POLE: variants seen among roughly 807,000 people sequenced by gnomAD.
POLE encodes DNA polymerase epsilon catalytic subunit A.
A neutral mutation model predicts 279.2 loss-of-function variants in POLE; 188 were observed. The ratio of observed to expected loss-of-function variants is 0.67; its 90% CI spans 0.60 to 0.76. POLE has a LOEUF of 0.76. Ranked by LOEUF, POLE falls within the 30% of genes least tolerant of loss-of-function variation. The probability of loss-of-function intolerance (pLI) is 0.00; values close to 1 mark genes in which losing one functional copy is unlikely to be tolerated. For synonymous variants in POLE, 1,214 were observed against 1,172.5 expected, an observed-to-expected ratio of 1.04 and a Z score of -0.72; for missense variants, 2,703 against 3,016.7, an observed-to-expected ratio of 0.90 and a Z score of 2.44.
Position 132,680,621 on chromosome 12 carries a change from CG to C in POLE, c.270del (p.Asp90GlufsTer59), listed in dbSNP as rs878854854. ...SAVDYYFIQD[D>X]GSRFKVALPY... ...CAGGGGCTTACCTTAAATCTGCTTC[CG>C]TCATCTTGAATAAAGTAGTAATCCA... On this transcript the variant is annotated frameshift_variant, in exon 3 of 49. Coordinates refer to ENST00000320574, the MANE Select transcript of POLE (RefSeq NM_006231.4). LOFTEE classifies it high-confidence loss of function. The C allele has an allele frequency of 2.5e-6, 4 of 1,613,492 alleles. No homozygotes were observed. Among genetic ancestry groups the C allele is most frequent in the African/African-American group, 1.3e-5 (1 of 74,912 alleles).
In POLE at chr12:132,677,423, T is replaced by C. The variant is rs2043079242; in HGVS notation, c.741A>G (p.Arg247=). The C allele has an allele frequency of 1.2e-6, 2 of 1,614,076 alleles. No homozygotes were observed. Among genetic ancestry groups the C allele is most frequent in the East Asian group, 2.2e-5 (1 of 44,890 alleles). ...CTACCGGAAAAGCATTTCCTCGGTA[T>C]CTGACATTGTACCAATGAGCCTGCA... ...KIHVAHWYNV[R]YRGNAFPVEI... The change falls in exon 8 of 49, where the codon AGA becomes AGG. Residue 247 remains arginine (R), a synonymous_variant. Coordinates refer to ENST00000320574, the MANE Select transcript of POLE (RefSeq NM_006231.4).
Position 132,650,109 on chromosome 12 carries a change from T to A in POLE, c.3583-220A>T, listed in dbSNP as rs536196605. 9.9e-5 allele frequency among the ~76,000 whole-genome samples: 15 copies of A among 152,274 alleles called. No homozygotes were observed. In the East Asian group the frequency reaches 2.5e-3, roughly 26 times the overall value. On this transcript the variant is annotated intron_variant, in intron 29 of 48. Coordinates refer to ENST00000320574, the MANE Select transcript of POLE (RefSeq NM_006231.4). ...TGTAGTCCCAAGCTACTTGGTAGGC[T>A]GAGGCAGGAGGATCACTTGAACCCA...
intron 32 of POLE, 51 bp downstream of exon 32, chr12:132,648,878 C>A (rs1298492078): frequency 6.4e-7 from 1 of 1,565,418 alleles, no homozygotes. Flanking sequence ...CATGGGAAAG[C>A]CACCTCAGGC....
chr12:132,677,840 A>C, intron 6 of POLE, 121 bp from the exon 7 acceptor site: 1 of 964,858 alleles, frequency 1.0e-6, no homozygotes, highest in Non-Finnish European at 1.6e-6. Context: ...ACAAAAGGTA[A>C]ATTGATGTGG....
chr12:132,628,550 G>C (rs1251190938), intron 45 of POLE, among the ~76,000 whole-genome samples: 2 of 151,874 alleles, frequency 1.3e-5, no homozygotes, highest in African/African-American at 4.8e-5. Context: ...GGCTGATGTA[G>C]GAAAATCACT....
At chr12:132,676,433 CT>C in intron 9 of POLE, 112 bp downstream of exon 9, 1 of 784,982 alleles carries the variant, frequency 1.3e-6, no homozygotes, top group East Asian at 2.6e-5. Flanking sequence ...CATTCCTGGA[CT>C]AACTCATTAT....
intron 1 of POLE, among the ~76,000 whole-genome samples, chr12:132,686,743 TAAAAC>T: frequency 6.6e-6 from 1 of 151,802 alleles, no homozygotes; most frequent in Non-Finnish European, 1.5e-5. Flanking sequence ...CCCAAAAAAA[TAAAAC>T]AGAGGAGACG....
Position 132,642,568 on chromosome 12 carries a change from C to G in POLE, c.4890G>C (p.Arg1630=). The G allele has an allele frequency of 1.2e-6, 2 of 1,613,554 alleles. No individual in the cohort carries two copies. Among genetic ancestry groups the G allele is most frequent in the Non-Finnish European group, 1.7e-6 (2 of 1,180,036 alleles). ...GVLDWQRHGA[R]RMIRHYLNLD... ...GGTTGAGGTAGTGACGGATCATGCG[C>G]CGGGCTCCATGGCGCTGCCAGTCCA... The change falls in exon 37 of 49, where the codon CGG becomes CGC. Residue 1630 remains arginine, a synonymous_variant. Coordinates refer to ENST00000320574, the MANE Select transcript of POLE (RefSeq NM_006231.4).
chr12:132,640,046 G>A (rs574721885), intron 39 of POLE, among the ~76,000 whole-genome samples: 51 of 152,212 alleles, frequency 3.4e-4, no homozygotes, highest in African/African-American at 1.2e-3. Flanking sequence ...GAACTTAGAG[G>A]CCTCTCTCCC....
chr12:132,680,448 G>A, intron 3 of POLE, 159 bp downstream of exon 3: 1 of 674,854 alleles, frequency 1.5e-6, no homozygotes, highest in African/African-American at 1.8e-5. Context: ...CCTCTCTCAG[G>A]ACATCTTACG....
rs937502560 is a variant in POLE, at chr12:132,639,674, G to A, written c.5379-376C>T. Reference sequence around the variant, plus strand: ...AGACATCAGAACACCACACTAGGCCGGATGCAGAGGCTCACGCCTGTAATC... The same window carrying A: ...AGACATCAGAACACCACACTAGGCCAGATGCAGAGGCTCACGCCTGTAATC... On this transcript the variant is annotated intron_variant, in intron 39 of 48. Coordinates refer to ENST00000320574, the MANE Select transcript of POLE (RefSeq NM_006231.4). The surrounding 1 kb of genome is among the most constrained non-coding windows in gnomAD (Gnocchi z 4.7). Among the ~76,000 whole-genome samples, 4 of 152,180 alleles carry A rather than the reference G, an allele frequency of 2.6e-5. No homozygotes were observed. Among genetic ancestry groups the A allele is most frequent in the African/African-American group, 7.2e-5 (3 of 41,440 alleles).
At chr12:132,663,871 G>A (rs2042730404) in intron 23 of POLE, 133 bp downstream of exon 23, 5 of 846,320 alleles carry the variant, frequency 5.9e-6, no homozygotes, top group South Asian at 1.7e-5. Context: ...TGGTCTTCAG[G>A]CTATAGAAAA....
At position 132,634,710 on chromosome 12, in the gene POLE, CTCT is replaced by C. The variant is rs1392859983; in HGVS notation, c.5812-335_5812-333del. On this transcript the variant is annotated intron_variant, in intron 42 of 48. Transcript: ENST00000320574. The surrounding 1 kb of genome is among the most constrained non-coding windows in gnomAD (Gnocchi z 4.0). The stretch of plus-strand genomic sequence containing the variant: ...AGAGCTTCCCGGTGACTGTTCTCTC[CTCT>C]GAGTCCATGAATCTCCTGGGACGGC... 2.0e-5 allele frequency among the ~76,000 whole-genome samples: 3 copies of C among 152,168 alleles called. No homozygotes were observed. The highest frequency in any genetic ancestry group is 4.4e-5 in the Non-Finnish European group (3 of 68,010).
At position 132,680,162 on chromosome 12, in the gene POLE, T is replaced by C. The variant is rs778771831; in HGVS notation, c.330+16A>G. ...ACACACAGGTCGTCTGACCTGAGTC[T>C]ATGAAACACACTCACCTTTCTGGTC... On this transcript the variant is annotated intron_variant, in intron 4 of 48. Transcript: ENST00000320574. The C allele has an allele frequency of 1.2e-6, 2 of 1,613,540 alleles. No individual in the cohort carries two copies. The highest frequency in any genetic ancestry group is 1.7e-6 in the Non-Finnish European group (2 of 1,179,410).
chr12:132,658,210 G>A, intron 26 of POLE: 1 of 454,316 alleles, frequency 2.2e-6, no homozygotes, highest in Non-Finnish European at 4.0e-6. Context: ...GTTCCTCACA[G>A]CGTAACCATG....
chr12:132,654,114 TTA>T (rs1486866080), intron 29 of POLE, among the ~76,000 whole-genome samples: 1 of 152,254 alleles, frequency 6.6e-6, no homozygotes, highest in Non-Finnish European at 1.5e-5. Flanking sequence ...CTGTTTTCAA[TTA>T]TGTTACCAAA....
At chr12:132,641,443 C>T (rs928166012) in intron 39 of POLE, 4 of 595,166 alleles carry the variant, frequency 6.7e-6, no homozygotes, top group Non-Finnish European at 1.2e-5. Context: ...AGGCAGCACA[C>T]TGAACAGTCG....
chr12:132,634,381 G>GT lies in POLE; in HGVS notation c.5812-4dup, dbSNP rs2138475808. On this transcript the variant is annotated splice_region_variant and splice_polypyrimidine_tract_variant and intron_variant, in intron 42 of 48. Coordinates refer to ENST00000320574, the MANE Select transcript of POLE (RefSeq NM_006231.4). The surrounding 1 kb of genome is among the most constrained non-coding windows in gnomAD (Gnocchi z 4.0). ...CCCCCTGCTTTCTGGGAGTCTTGCT[G>GT]TAACACATGAGACAACGCGGCTGTG... 1.2e-6 allele frequency: 2 copies of GT among 1,611,978 alleles called. No individual in the cohort carries two copies. Among genetic ancestry groups the GT allele is most frequent in the Non-Finnish European group, 1.7e-6 (2 of 1,178,534 alleles).
At chr12:132,648,844 T>A (rs992705028) in intron 32 of POLE, 85 bp downstream of exon 32, 1 of 1,400,586 alleles carries the variant, frequency 7.1e-7, no homozygotes, top group African/African-American at 1.4e-5. Flanking sequence ...ACTGAGGAGA[T>A]GGAGGCTGGA....
Sources: gnomAD v4.1 joint callset for allele counts (sites outside exome capture counted in the v4.1 genomes callset) on GRCh38, gnomAD v4.1.1 for gene constraint, Gnocchi (gnomAD v3.1) non-coding constraint, MANE v1.5 for transcripts, NCBI Gene and HGNC (gene_info 2026-07-23, HGNC 2026-07-21) for gene names.